The following EYS variants were observed in gnomAD, a reference collection of about 807,000 sequenced individuals.
EYS encodes EGF-like photoreceptor maintenance factor, also known as protein eyes shut homolog.
A neutral mutation model predicts 282.1 loss-of-function variants in EYS; 250 were observed. That is an observed-to-expected ratio of 0.89 (90% confidence interval 0.80 to 0.98). EYS has a LOEUF of 0.98. Among genes scored for constraint, EYS ranks in the 50% least tolerant of loss-of-function variants. The pLI, the probability that EYS is intolerant of heterozygous loss-of-function variation, is 0.00. For missense variants in EYS, 4,016 were observed against 3,709.0 expected (o/e 1.08, Z -2.15); for synonymous variants, 1,355 against 1,282.9 (o/e 1.06, Z -1.20).
intron 5 of EYS, among the ~76,000 whole-genome samples, chr6:65,440,272 C>G (rs1448372128): frequency 5.9e-5 from 9 of 151,630 alleles, no homozygotes; most frequent in Non-Finnish European, 1.0e-4. Flanking sequence ...TAAATAGTTC[C>G]AAGATGAACA....
chr6:64,352,552 G>A lies in EYS; in HGVS notation c.6078+36138C>T, dbSNP rs139972072. Reference sequence around the variant, plus strand: ...AGTCACCAATGTTTTTATCACAAATGTATGCCTGTCTTTTCGTCTTACCCT... The same window carrying A: ...AGTCACCAATGTTTTTATCACAAATATATGCCTGTCTTTTCGTCTTACCCT... On this transcript the variant is annotated intron_variant, in intron 29 of 42. Coordinates refer to ENST00000503581, the MANE Select transcript of EYS (RefSeq NM_001142800.2). Among the ~76,000 whole-genome samples the A allele has an allele frequency of 4.0e-4, 60 of 151,570 alleles. No homozygotes were observed. In the East Asian group the frequency reaches 0.011, roughly 29 times the overall value.
At chr6:64,337,887 C>A (rs191997855) in intron 29 of EYS, among the ~76,000 whole-genome samples, 11 of 152,128 alleles carry the variant, frequency 7.2e-5, no homozygotes, top group African/African-American at 2.6e-4. Flanking sequence ...ATCACATGAT[C>A]ATCTCAATAG....
intron 31 of EYS, among the ~76,000 whole-genome samples, chr6:64,103,242 GA>G (rs1186779427): frequency 3.9e-5 from 6 of 151,996 alleles, no homozygotes; most frequent in African/African-American, 1.4e-4. Flanking sequence ...ACCAGCAAAA[GA>G]AAAATGTTAT....
chr6:64,015,853 C>A (rs1433198747), intron 33 of EYS, among the ~76,000 whole-genome samples: 1 of 152,136 alleles, frequency 6.6e-6, no homozygotes, highest in Non-Finnish European at 1.5e-5. Flanking sequence ...AGGCTGCATT[C>A]AAATAGAGAC....
At chr6:64,964,614 G>A (rs995167669) in intron 14 of EYS, among the ~76,000 whole-genome samples, 1 of 152,102 alleles carries the variant, frequency 6.6e-6, no homozygotes, top group Non-Finnish European at 1.5e-5. Context: ...ATTCATCAAA[G>A]TATGAGCTAT....
At chr6:65,539,468 G>A (rs1441474967) in intron 2 of EYS, among the ~76,000 whole-genome samples, 1 of 152,110 alleles carries the variant, frequency 6.6e-6, no homozygotes, top group Non-Finnish European at 1.5e-5. Context: ...CCGATTCATT[G>A]AGAATGATTA....
intron 19 of EYS, among the ~76,000 whole-genome samples, chr6:64,832,739 C>T (rs1765262317): frequency 6.6e-6 from 1 of 151,848 alleles, no homozygotes; most frequent in Admixed American, 6.6e-5. Context: ...TCAAGATGCA[C>T]ATATTAAATG....
At chr6:65,236,873 C>T (rs190859492) in intron 12 of EYS, among the ~76,000 whole-genome samples, 1 of 152,122 alleles carries the variant, frequency 6.6e-6, no homozygotes, top group Admixed American at 6.6e-5. Flanking sequence ...TAGATTAAAT[C>T]TCTCTTTATC....
chr6:64,262,951 G>A (rs1767637259), intron 30 of EYS, among the ~76,000 whole-genome samples: 1 of 151,940 alleles, frequency 6.6e-6, no homozygotes. Context: ...TATTACACTG[G>A]TGCTAAAAGC....
chr6:64,367,218 G>A (rs1217647623), intron 29 of EYS, among the ~76,000 whole-genome samples: 1 of 151,976 alleles, frequency 6.6e-6, no homozygotes, highest in Non-Finnish European at 1.5e-5. Context: ...ATGCTTTATA[G>A]ATCCTCTCTT....
intron 29 of EYS, among the ~76,000 whole-genome samples, chr6:64,356,610 C>A (rs1175966723): frequency 2.0e-5 from 3 of 151,642 alleles, no homozygotes; most frequent in Non-Finnish European, 4.4e-5. Flanking sequence ...TTTTAACTGT[C>A]AGCCCTTTGT....
chr6:65,317,173 G>T (rs1356719292), intron 11 of EYS, among the ~76,000 whole-genome samples: 2 of 152,092 alleles, frequency 1.3e-5, no homozygotes, highest in Admixed American at 1.3e-4. Flanking sequence ...ATTGTTGGAA[G>T]AACTCATTGG....
intron 26 of EYS, among the ~76,000 whole-genome samples, chr6:64,565,885 GATACA>G (rs148871502): frequency 0.03 from 4,485 of 148,214 alleles, 140 homozygotes; most frequent in East Asian, 0.11. Context: ...ACCTTAAATA[GATACA>G]ATACAATTCT....
chr6:64,833,664 A>G (rs988516332), intron 19 of EYS, among the ~76,000 whole-genome samples: 6 of 151,956 alleles, frequency 3.9e-5, no homozygotes, highest in Admixed American at 1.3e-4. Context: ...AGTAGCTTGT[A>G]ATTTTTTGTA....
intron 31 of EYS, among the ~76,000 whole-genome samples, chr6:64,102,661 A>T (rs1772871636): frequency 6.6e-6 from 1 of 152,172 alleles, no homozygotes; most frequent in African/African-American, 2.4e-5. Flanking sequence ...AATAGATTAT[A>T]AGCAAAGAAA....
At chr6:65,193,672 T>C (rs1765696351) in intron 12 of EYS, among the ~76,000 whole-genome samples, 1 of 151,456 alleles carries the variant, frequency 6.6e-6, no homozygotes, top group Non-Finnish European at 1.5e-5. Flanking sequence ...ATTTAGAGCT[T>C]CGTAAGGAAC....
At chr6:64,101,164 T>A (rs998723501) in intron 31 of EYS, among the ~76,000 whole-genome samples, 6 of 152,094 alleles carry the variant, frequency 3.9e-5, no homozygotes, top group African/African-American at 1.4e-4. Flanking sequence ...AACTACAAAT[T>A]CAAAAGAATG....
At chr6:64,375,271 C>A (rs1214367330) in intron 29 of EYS, among the ~76,000 whole-genome samples, 1 of 152,162 alleles carries the variant, frequency 6.6e-6, no homozygotes, top group South Asian at 2.1e-4. Context: ...TGGTATGCAG[C>A]CTCATTTGTC....
At chr6:65,230,838 GA>G (rs1273488144) in intron 12 of EYS, among the ~76,000 whole-genome samples, 7 of 151,142 alleles carry the variant, frequency 4.6e-5, no homozygotes, top group Admixed American at 2.6e-4. Flanking sequence ...ATTGTTTTGG[GA>G]AAAAAATATT....
Sources: allele counts gnomAD v4.1 joint callset (sites outside exome capture counted in the v4.1 genomes callset), GRCh38; gene constraint gnomAD v4.1.1; transcripts MANE v1.5; gene names NCBI Gene and HGNC (gene_info 2026-07-23, HGNC 2026-07-21).